The following HMCN2 variants were observed in gnomAD, a reference collection of about 807,000 sequenced individuals.
The protein encoded by HMCN2 is hemicentin-2.
A neutral mutation model predicts 377.5 loss-of-function variants in HMCN2; 325 were observed. That is an observed-to-expected ratio of 0.86 (90% confidence interval 0.79 to 0.94). The LOEUF is 0.94. HMCN2 is among the 40% of genes least tolerant of loss of function. HMCN2 has a pLI of 0.00. For synonymous variants in HMCN2, 2,007 were observed against 2,046.8 expected, an observed-to-expected ratio of 0.98 and a Z score of 0.53; for missense variants, 4,543 against 4,725.3, an observed-to-expected ratio of 0.96 and a Z score of 1.13.
rs911640284 is a variant in HMCN2 at position 130,423,766 on chromosome 9, G to A, written c.13382-1010G>A. Among the ~76,000 whole-genome samples, 5 of 152,200 alleles carry A rather than the reference G, an allele frequency of 3.3e-5. No homozygotes were observed. Among genetic ancestry groups the A allele is most frequent in the South Asian group, 2.1e-4 (1 of 4,836 alleles). ...ACATGAAGAAGATCTGAGAATCCAC[G>A]TCCAGGGCCATTTTTTGGTTCTTTT... On this transcript the variant is annotated intron_variant, in intron 87 of 97. Transcript: ENST00000683500. The surrounding 1 kb of genome is among the most constrained non-coding windows in gnomAD (Gnocchi z 5.5).
chr9:130,336,277 T>G (rs1223417413), intron 22 of HMCN2, among the ~76,000 whole-genome samples: 3 of 152,224 alleles, frequency 2.0e-5, no homozygotes, highest in African/African-American at 7.2e-5. Context: ...GCCCTACATA[T>G]ATACTCATGA....
intron 4 of HMCN2, among the ~76,000 whole-genome samples, chr9:130,290,037 T>G (rs904116224): frequency 6.6e-6 from 1 of 152,240 alleles, no homozygotes; most frequent in Non-Finnish European, 1.5e-5. Context: ...GGGGGAGCAC[T>G]GCCAGATTTT....
At chr9:130,375,506 C>T (rs1841325683) in intron 49 of HMCN2, 57 bp from the exon 50 acceptor site, 1 of 959,004 alleles carries the variant, frequency 1.0e-6, no homozygotes, top group Non-Finnish European at 1.2e-6. Flanking sequence ...TTTCCTGGTC[C>T]TTAGTCTAGG....
At chr9:130,403,628 C>A in intron 79 of HMCN2, 113 bp from the exon 80 acceptor site, 1 of 1,124,158 alleles carries the variant, frequency 8.9e-7, no homozygotes, top group Non-Finnish European at 1.2e-6. Flanking sequence ...CTTGGTCATT[C>A]TGTGACCCCA....
intron 15 of HMCN2, among the ~76,000 whole-genome samples, chr9:130,318,134 G>A (rs1837666919): frequency 6.6e-6 from 1 of 152,214 alleles, no homozygotes; most frequent in South Asian, 2.1e-4. Context: ...GCCCCAGTGA[G>A]AAAGGGTGGT....
Position 130,407,640 on chromosome 9 carries a change from C to T in HMCN2, c.12623C>T (p.Thr4208Ile). ...RAAVSREDSG[T>I]YVCWAENRVG... Reference sequence around the variant, plus strand: ...GCTGTCTCCAGAGAAGACAGCGGGACCTATGTCTGCTGGGCGGAGAACAGA... The same window carrying T: ...GCTGTCTCCAGAGAAGACAGCGGGATCTATGTCTGCTGGGCGGAGAACAGA... The change falls in exon 83 of 98, where the codon ACC becomes ATC. Residue 4208 changes from threonine (T) to isoleucine (I), a missense_variant. Thr to Ile is a moderately conservative substitution (Grantham distance 89, BLOSUM62 -1). This residue lies in a region of HMCN2 where 1,073 missense variants were observed against 1,319.5 expected (regional missense o/e 0.81). Transcript: ENST00000683500. 7.8e-7 allele frequency: 1 copy of T among 1,285,720 alleles called. No individual in the cohort carries two copies. Among genetic ancestry groups the T allele is most frequent in the Middle Eastern group, 2.1e-4 (1 of 4,672 alleles). 79.6% of individuals were successfully genotyped at this position (1,285,720 alleles called of 1,614,324 possible).
rs527322066 is a variant in HMCN2, at chr9:130,366,095, TG to T, written c.6625+107del. 3.9e-4 allele frequency: 351 copies of T among 898,988 alleles called. 1 individual carries two copies. The African/African-American group carries it at 5.6e-3, about 14-fold the overall frequency. 55.7% of individuals were successfully genotyped at this position (898,988 alleles called of 1,614,324 possible). ...CCCCCACCCCAGAGCCTAGCTGAGA[TG>T]GGGGGGTCTTATACCTCGAGGGGGT... On this transcript the variant is annotated intron_variant, in intron 43 of 97. Coordinates refer to ENST00000683500, the MANE Select transcript of HMCN2 (RefSeq NM_001291815.2).
intron 73 of HMCN2, among the ~76,000 whole-genome samples, chr9:130,397,249 C>A (rs568880323): frequency 1.3e-5 from 2 of 152,176 alleles, no homozygotes; most frequent in South Asian, 2.1e-4. Context: ...GAGAAACTTA[C>A]GTTTTTAAAA....
intron 82 of HMCN2, 75 bp downstream of exon 82, chr9:130,406,243 G>T (rs1189130610): frequency 3.4e-6 from 4 of 1,186,814 alleles, no homozygotes; most frequent in Admixed American, 2.3e-5. Context: ...CAGGTGGGGA[G>T]ACCCAACCTA....
At chr9:130,335,786 G>T (rs1470469913) in intron 22 of HMCN2, among the ~76,000 whole-genome samples, 1 of 152,108 alleles carries the variant, frequency 6.6e-6, no homozygotes, top group Non-Finnish European at 1.5e-5. Context: ...TCAAAGACCC[G>T]CACCCATCTG....
intron 25 of HMCN2, among the ~76,000 whole-genome samples, chr9:130,345,983 G>C (rs1028948568): frequency 6.6e-6 from 1 of 152,020 alleles, no homozygotes; most frequent in African/African-American, 2.4e-5. Context: ...AAGAGTGAGC[G>C]GCCCACAGCA....
rs1844075682 is a variant in HMCN2, at chr9:130,422,478, T to G, written c.13232-99T>G. On this transcript the variant is annotated intron_variant, in intron 86 of 97. Coordinates refer to ENST00000683500, the MANE Select transcript of HMCN2 (RefSeq NM_001291815.2). This position sits in a 1 kb window ranked among gnomAD's most constrained non-coding sequence, Gnocchi z 4.2. ...CAAGTGGAGGTGAACTCTCCGAGCC[T>G]CCATTTACTCCTTCACGAAATGGGA... 1 of 954,742 alleles carries G rather than the reference T, an allele frequency of 1.0e-6. No individual in the cohort carries two copies. Among genetic ancestry groups the G allele is most frequent in the Admixed American group, 4.3e-5 (1 of 23,376 alleles). 59.1% of individuals were successfully genotyped at this position (954,742 alleles called of 1,614,324 possible).
chr9:130,424,209 C>T lies in HMCN2; in HGVS notation c.13382-567C>T, dbSNP rs186099228. 2.2e-3 allele frequency among the ~76,000 whole-genome samples: 330 copies of T among 147,932 alleles called. 3 individuals are homozygous for T. Among genetic ancestry groups the T allele is most frequent in the African/African-American group, 7.9e-3 (318 of 40,166 alleles). Reference sequence around the variant, plus strand: ...AATTTTTTTTTTTGAGACGGAGTCTCGCTCTGTCACCCAGGCTAGAGTGCA... The same window carrying T: ...AATTTTTTTTTTTGAGACGGAGTCTTGCTCTGTCACCCAGGCTAGAGTGCA... On this transcript the variant is annotated intron_variant, in intron 87 of 97. Transcript: ENST00000683500.
In HMCN2 at chr9:130,351,518, A is replaced by G. The variant is rs1839714761; in HGVS notation, c.4526A>G (p.Gln1509Arg). Residue 1509 changes from glutamine to arginine, a missense_variant, in exon 30 of 98, where the codon CAG (glutamine) becomes CGG (arginine). Coordinates refer to ENST00000683500, the MANE Select transcript of HMCN2 (RefSeq NM_001291815.2). The surrounding 1 kb of genome is among the most constrained non-coding windows in gnomAD (Gnocchi z 5.4). ...CACGTGGGGGATGAGGGACGATACC[A>G]GTGCGTGGCCTTCAGCCCAGCTGGT... ...GSHVGDEGRY[Q>R]CVAFSPAGQQ... The G allele has an allele frequency of 7.7e-7, 1 of 1,304,118 alleles. No individual in the cohort carries two copies. Among genetic ancestry groups the G allele is most frequent in the African/African-American group, 1.5e-5 (1 of 65,856 alleles). 80.8% of individuals were successfully genotyped at this position (1,304,118 alleles called of 1,614,324 possible).
intron 80 of HMCN2, among the ~76,000 whole-genome samples, chr9:130,404,590 G>A (rs966121147): frequency 8.5e-5 from 13 of 152,248 alleles, no homozygotes; most frequent in African/African-American, 2.4e-4. Context: ...TCTGTCCTGC[G>A]GCTTTTAGTC....
intron 16 of HMCN2, 117 bp downstream of exon 16, chr9:130,319,812 A>G (rs1837753738): frequency 2.0e-5 from 3 of 152,264 alleles, no homozygotes; most frequent in East Asian, 3.9e-4. Flanking sequence ...ACCATAGAGC[A>G]GAGGCTGATA....
At chr9:130,420,125 A>G (rs1037630629) in intron 86 of HMCN2, among the ~76,000 whole-genome samples, 1 of 121,398 alleles carries the variant, frequency 8.2e-6, no homozygotes, top group African/African-American at 3.3e-5. Context: ...CCCAGGCTGG[A>G]GTGCAGTGGT....
In HMCN2 at chr9:130,425,098, G is replaced by T. The variant is rs1052679196; in HGVS notation, c.13609G>T (p.Glu4537Ter). Residue 4537 changes from glutamate to a stop codon, truncating the protein, a stop_gained, in exon 89 of 98, where the codon GAG becomes TAG. Coordinates refer to ENST00000683500, the MANE Select transcript of HMCN2 (RefSeq NM_001291815.2). LOFTEE classifies it high-confidence loss of function. ...LDVVVNGVVPESLADADLQVQ... is the reference protein window; with the variant it reads ...LDVVVNGVVP ...CGTGGTGGTCAATGGCGTTGTCCCC[G>T]AGAGCCTGGCTGACGCAGATCTTCA... 6.5e-7 allele frequency: 1 copy of T among 1,549,944 alleles called. No homozygotes were observed. The highest frequency in any genetic ancestry group is 1.2e-5 in the South Asian group (1 of 84,030).
chr9:130,364,741 T>A lies in HMCN2; in HGVS notation c.6260T>A (p.Leu2087Gln), dbSNP rs1247396584. 1 of 985,894 alleles carries A rather than the reference T, an allele frequency of 1.0e-6. No homozygotes were observed. The highest frequency in any genetic ancestry group is 1.2e-6 in the Non-Finnish European group (1 of 830,084). 61.1% of individuals were successfully genotyped at this position (985,894 alleles called of 1,614,324 possible). A position where few individuals can be genotyped will look rare whatever the true frequency, so the allele number is the denominator to read the frequency against. ...HMPPSILGEELNVSVVANESV... is the reference protein window; with the variant it reads ...HMPPSILGEEQNVSVVANESV... ...CCCCCGAGTATCCTTGGAGAAGAGC[T>A]GAATGTGTCCGTTGTGGCCAATGAG... The change falls in exon 41 of 98, where the codon CTG becomes CAG. Residue 2087 changes from leucine to glutamine, a missense_variant. Leu to Gln is a moderately radical substitution (Grantham distance 113). Transcript: ENST00000683500.
Sources: gnomAD v4.1 joint callset for allele counts (sites outside exome capture counted in the v4.1 genomes callset) on GRCh38, gnomAD v4.1.1 for gene constraint, gnomAD v4.1.1 regional missense constraint, Gnocchi (gnomAD v3.1) non-coding constraint, MANE v1.5 for transcripts, NCBI Gene and HGNC (gene_info 2026-07-23, HGNC 2026-07-21) for gene names.